Variants in CASZ1 observed in about 807,000 individuals in gnomAD.
The protein encoded by CASZ1 is castor zinc finger 1, also known as zinc finger protein castor homolog 1.
In CASZ1, 28 loss-of-function variants were observed where a neutral mutation model predicts 135.2. That is an observed-to-expected ratio of 0.21 (90% CI 0.15 to 0.28). CASZ1 has a LOEUF of 0.28. Among genes scored for constraint, CASZ1 ranks in the 10% least tolerant of loss-of-function variants. The pLI is 1.00. For missense variants in CASZ1, 2,161 were observed against 2,453.3 expected, an observed-to-expected ratio of 0.88 and a Z score of 2.52; for synonymous variants, 1,068 against 1,073.4, an observed-to-expected ratio of 0.99 and a Z score of 0.10.
rs910955446 is a variant in CASZ1, at chr1:10,774,638, C to T, written c.-233-13781G>A. Among the ~76,000 whole-genome samples, 2 of 152,138 alleles carry T rather than the reference C, an allele frequency of 1.3e-5. No homozygotes were observed. The highest frequency in any genetic ancestry group is 6.5e-5 in the Admixed American group (1 of 15,280). On this transcript the variant is annotated intron_variant, in intron 1 of 20. Transcript: ENST00000377022. The surrounding 1 kb of genome is among the most constrained non-coding windows in gnomAD (Gnocchi z 4.4). ...ATTAACAACCACACAGAGCTCTGGC[C>T]CCACTGCTGGAGACTGGCCTGACTC...
intron 4 of CASZ1, among the ~76,000 whole-genome samples, chr1:10,665,973 C>T (rs184509523): frequency 1.0e-3 from 157 of 152,262 alleles, no homozygotes; most frequent in African/African-American, 3.7e-3. Flanking sequence ...GTTAAGGAGC[C>T]GGCTATGCGG....
rs1159053104 is a variant in CASZ1 at position 10,757,736 on chromosome 1, C to T, written c.-77+2965G>A. On this transcript the variant is annotated intron_variant, in intron 2 of 20. Transcript: ENST00000377022. The surrounding 1 kb of genome is among the most constrained non-coding windows in gnomAD (Gnocchi z 4.6). ...CCGGGAGGCGGAGGTTGCAGTGAGC[C>T]AAGATTGCACTGCTGCACTCCAGCC... 1.3e-5 allele frequency among the ~76,000 whole-genome samples: 2 copies of T among 152,172 alleles called. No individual in the cohort carries two copies. The highest frequency in any genetic ancestry group is 2.4e-5 in the African/African-American group (1 of 41,444).
At position 10,644,967 on chromosome 1, in the gene CASZ1, G is replaced by T; in HGVS notation, c.3818C>A (p.Ala1273Glu). The T allele has an allele frequency of 6.2e-7, 1 of 1,613,784 alleles. No homozygotes were observed. The highest frequency in any genetic ancestry group is 8.5e-7 in the Non-Finnish European group (1 of 1,180,016). ...IKKHEKAERR[A>E]ANGFKYFTKR... Reference sequence around the variant, plus strand: ...GGTGAAGTATTTGAAGCCATTGGCTGCCCGCCGCTCCGCCTTCTCATGCTT... The same window carrying T: ...GGTGAAGTATTTGAAGCCATTGGCTTCCCGCCGCTCCGCCTTCTCATGCTT... Residue 1273 changes from alanine to glutamate, a missense_variant, in exon 18 of 21, where the codon GCA becomes GAA. By Grantham distance (107) the Ala-to-Glu change is moderately radical (BLOSUM62 -1). Transcript: ENST00000377022.
intron 3 of CASZ1, among the ~76,000 whole-genome samples, chr1:10,698,719 G>C (rs1287986127): frequency 1.3e-5 from 2 of 152,084 alleles, no homozygotes; most frequent in Non-Finnish European, 2.9e-5. Context: ...AGGGGGACTG[G>C]CTTAACAGAG....
rs201085072 is a variant in CASZ1 at position 10,711,585 on chromosome 1, CAA to C, written c.-76-6043_-76-6042del. ...CCAGAAAAAATGGAAAACAGGTACT[CAA>C]AAAAAAAAAAAAAAGAAAAACAAAC... is the stretch of plus-strand genomic sequence containing the variant. On this transcript the variant is annotated intron_variant, in intron 2 of 20. Coordinates refer to ENST00000377022, the MANE Select transcript of CASZ1 (RefSeq NM_001079843.3). This position sits in a 1 kb window ranked among gnomAD's most constrained non-coding sequence, Gnocchi z 4.4. 8.5e-4 allele frequency among the ~76,000 whole-genome samples: 83 copies of C among 97,466 alleles called. 1 individual carries two copies. Among genetic ancestry groups the C allele is most frequent in the East Asian group, 2.7e-3 (11 of 4,112 alleles). 63.9% of individuals were successfully genotyped at this position (97,466 alleles called of 152,430 possible). A position where few individuals can be genotyped will look rare whatever the true frequency, so the allele number is the denominator to read the frequency against.
Position 10,647,655 on chromosome 1 carries a change from G to A in CASZ1, c.3497+146C>T. The A allele has an allele frequency of 6.8e-7, 1 of 1,478,836 alleles. No individual in the cohort carries two copies. Among genetic ancestry groups the A allele is most frequent in the Non-Finnish European group, 8.9e-7 (1 of 1,118,608 alleles). 91.6% of individuals were successfully genotyped at this position (1,478,836 alleles called of 1,614,324 possible). On this transcript the variant is annotated intron_variant, in intron 16 of 20. Transcript: ENST00000377022. This position sits in a 1 kb window ranked among gnomAD's most constrained non-coding sequence, Gnocchi z 4.9. The stretch of plus-strand genomic sequence containing the variant: ...GGAGCAGCAGCATCTTTGGCTAGAA[G>A]GACATCACCCGATGGCCATGCCCCA...
chr1:10,690,404 G>A (rs937782294), intron 4 of CASZ1, among the ~76,000 whole-genome samples: 5 of 152,164 alleles, frequency 3.3e-5, no homozygotes, highest in Admixed American at 2.6e-4. Context: ...AGAAGTCTGC[G>A]GCCTACCTCA....
intron 5 of CASZ1, among the ~76,000 whole-genome samples, chr1:10,663,607 C>T (rs1268460328): frequency 6.6e-6 from 1 of 152,210 alleles, no homozygotes. Context: ...CTTCGAAGGG[C>T]AGGCAGCTTG....
At chr1:10,750,296 G>A (rs1005927882) in intron 2 of CASZ1, among the ~76,000 whole-genome samples, 2 of 152,136 alleles carry the variant, frequency 1.3e-5, no homozygotes, top group Non-Finnish European at 2.9e-5. Context: ...CTTTTTAAGA[G>A]ACGGGGTCTT....
In CASZ1 at chr1:10,655,712, G is replaced by A. The variant is rs776657252; in HGVS notation, c.1602C>T (p.Asp534=). Residue 534 remains aspartate (D), a synonymous_variant, in exon 9 of 21, where the codon GAC becomes GAT. Coordinates refer to ENST00000377022, the MANE Select transcript of CASZ1 (RefSeq NM_001079843.3). The part of the protein sequence containing the change: ...HGFMRFSPLD[D]CSVYYHGCHL... ...GGCAGCCGTGGTAGTAGACGCTGCA[G>A]TCGTCCAGCGGGCTGAAACGCATGA... The A allele has an allele frequency of 5.0e-5, 80 of 1,614,060 alleles. No individual in the cohort carries two copies. In the South Asian group the frequency reaches 7.9e-4, roughly 16 times the overall value.
At chr1:10,655,857 C>T in intron 8 of CASZ1, 44 bp from the exon 9 acceptor site, 1 of 1,597,948 alleles carries the variant, frequency 6.3e-7, no homozygotes, top group Non-Finnish European at 8.6e-7. Context: ...TGAGCTCCCC[C>T]TCCGCCCTTC....
intron 2 of CASZ1, among the ~76,000 whole-genome samples, chr1:10,746,222 G>C (rs182400858): frequency 7.2e-5 from 11 of 152,316 alleles, no homozygotes; most frequent in South Asian, 2.1e-4. Flanking sequence ...TTGGAAGAGC[G>C]GGGAGGGAAG....
In CASZ1 at chr1:10,655,760, G is replaced by A. The variant is rs374132111; in HGVS notation, c.1554C>T (p.Arg518=). 5.0e-6 allele frequency: 8 copies of A among 1,614,098 alleles called. No individual in the cohort carries two copies. Among genetic ancestry groups the A allele is most frequent in the East Asian group, 4.5e-5 (2 of 44,902 alleles). ...VIRHYNMHKK[R]DNSLQHGFMR... ...TGAAGCCGTGCTGCAGGGAGTTGTC[G>A]CGCTTCTTGTGCATGTTGTAGTGGC... The change falls in exon 9 of 21, where the codon CGC becomes CGT. Residue 518 remains arginine (R), a synonymous_variant. Transcript: ENST00000377022.
At position 10,794,328 on chromosome 1, in the gene CASZ1, T is replaced by C. The variant is rs1641022145; in HGVS notation, c.-234+2236A>G. Among the ~76,000 whole-genome samples the C allele has an allele frequency of 6.6e-6, 1 of 152,028 alleles. No individual in the cohort carries two copies. Among genetic ancestry groups the C allele is most frequent in the South Asian group, 2.1e-4 (1 of 4,822 alleles). On this transcript the variant is annotated intron_variant, in intron 1 of 20. Transcript: ENST00000377022. The surrounding 1 kb of genome is among the most constrained non-coding windows in gnomAD (Gnocchi z 5.6). ...GGAGACGTCCTAAATTTACTAACTT[T>C]GCCCCGCGACTACCAGGGCCTTTTC...
At chr1:10,693,232 G>A (rs1331618887) in intron 4 of CASZ1, among the ~76,000 whole-genome samples, 1 of 151,964 alleles carries the variant, frequency 6.6e-6, no homozygotes, top group Non-Finnish European at 1.5e-5. Flanking sequence ...AGACAGTCCG[G>A]GGCCCCTCAC....
intron 1 of CASZ1, among the ~76,000 whole-genome samples, chr1:10,795,026 G>C (rs1281079282): frequency 6.6e-6 from 1 of 152,056 alleles, no homozygotes; most frequent in Non-Finnish European, 1.5e-5. Flanking sequence ...GCTTCGGAAA[G>C]AGAGAGAAAG....
At position 10,697,622 on chromosome 1, in the gene CASZ1, A is replaced by G. The variant is rs1439889551; in HGVS notation, c.-23-3710T>C. 1.4e-5 allele frequency among the ~76,000 whole-genome samples: 2 copies of G among 148,146 alleles called. No homozygotes were observed. The highest frequency in any genetic ancestry group is 3.0e-5 in the Non-Finnish European group (2 of 67,066). ...CCGCACCCCCAAGTTGCCCACCTAC[A>G]CTCTCTCCCTCCCGAGCCTGGGGCC... On this transcript the variant is annotated intron_variant, in intron 3 of 20. Coordinates refer to ENST00000377022, the MANE Select transcript of CASZ1 (RefSeq NM_001079843.3). This position sits in a 1 kb window ranked among gnomAD's most constrained non-coding sequence, Gnocchi z 4.7.
chr1:10,665,364 C>T lies in CASZ1; in HGVS notation c.224G>A (p.Arg75Gln), dbSNP rs113664073. 2.5e-5 allele frequency: 41 copies of T among 1,611,574 alleles called. No homozygotes were observed. Among genetic ancestry groups the T allele is most frequent in the African/African-American group, 1.2e-4 (9 of 75,004 alleles). ...CTTGTCTTCCTCGCTGCGGGGGGCC[C>T]GGGCTGCCCCAGACTCAGGGCCACT... ...ERSGPESGAA[R>Q]APRSEEDKRR... Residue 75 changes from arginine to glutamine, a missense_variant, in exon 5 of 21, where the codon CGG becomes CAG. This residue lies in a region of CASZ1 where 590 missense variants were observed against 609.8 expected (regional missense o/e 0.97). Coordinates refer to ENST00000377022, the MANE Select transcript of CASZ1 (RefSeq NM_001079843.3).
Position 10,757,605 on chromosome 1 carries a change from T to C in CASZ1, c.-77+3096A>G, listed in dbSNP as rs187192968. ...GAGTTTGAGACCAGCCTGGCCAACA[T>C]GGTGAAACCCCGTCTCTACTAAAAA... On this transcript the variant is annotated intron_variant, in intron 2 of 20. Transcript: ENST00000377022. The surrounding 1 kb of genome is among the most constrained non-coding windows in gnomAD (Gnocchi z 4.6). 0.017 allele frequency among the ~76,000 whole-genome samples: 2,601 copies of C among 152,188 alleles called. 31 individuals carry two copies. Among genetic ancestry groups the C allele is most frequent in the Non-Finnish European group, 0.028 (1,885 of 68,000 alleles).
Sources: gnomAD v4.1 joint callset for allele counts (sites outside exome capture counted in the v4.1 genomes callset) on GRCh38, gnomAD v4.1.1 for gene constraint, gnomAD v4.1.1 regional missense constraint, Gnocchi (gnomAD v3.1) non-coding constraint, MANE v1.5 for transcripts, NCBI Gene and HGNC (gene_info 2026-07-23, HGNC 2026-07-21) for gene names.